Variants in KLF8 observed in about 807,000 individuals in gnomAD.
KLF8 encodes the protein KLF transcription factor 8.
Under a neutral mutation model 18.2 loss-of-function variants are expected in KLF8, and 10 were observed. The ratio of observed to expected loss-of-function variants is 0.55; its 90% CI spans 0.34 to 0.93. The LOEUF (loss-of-function observed/expected upper bound fraction) is 0.93. Among genes scored for constraint, KLF8 ranks in the 40% least tolerant of loss-of-function variants. The probability of loss-of-function intolerance (pLI) is 0.02; values close to 1 mark genes in which losing one functional copy is unlikely to be tolerated. For synonymous variants in KLF8, 109 were observed against 97.3 expected, an observed-to-expected ratio of 1.12 and a Z score of -0.71; for missense variants, 264 against 277.9, an observed-to-expected ratio of 0.95 and a Z score of 0.36.
the KLF8 span, among the ~76,000 whole-genome samples, chrX:56,226,387 A>T: frequency 8.9e-6 from 1 of 112,320 alleles, no homozygotes; most frequent in East Asian, 2.8e-4. Context: ...GTTTTACTTA[A>T]GTAAATTTCA....
At chrX:56,175,815 GC>G in the KLF8 span, among the ~76,000 whole-genome samples, 1 of 111,599 alleles carries the variant, frequency 9.0e-6, no homozygotes, top group South Asian at 3.8e-4. Flanking sequence ...AGGATAGTTA[GC>G]TTTTCTTATT....
At chrX:56,169,442 T>A in the KLF8 span, among the ~76,000 whole-genome samples, 1 of 111,006 alleles carries the variant, frequency 9.0e-6, no homozygotes, top group Non-Finnish European at 1.9e-5. Context: ...GCATGGCATT[T>A]CTGGACCTGC....
In KLF8 at chrX:56,254,268, G is replaced by A. The variant is rs771041688; in HGVS notation, c.81+3964G>A. Reference sequence around the variant, plus strand: ...CTGGCGCTTTGGCACTAGCAGGGGCGAATTCCACTCACTTAAACCTGCTGT... The same window carrying A: ...CTGGCGCTTTGGCACTAGCAGGGGCAAATTCCACTCACTTAAACCTGCTGT... On this transcript the variant is annotated intron_variant, in intron 2 of 5. Transcript: ENST00000468660. Among the ~76,000 whole-genome samples, 12 of 112,049 alleles carry A rather than the reference G, an allele frequency of 1.1e-4. No homozygotes were observed. In the South Asian group the frequency reaches 1.9e-3, roughly 17 times the overall value.
chrX:55,947,218 T>C, the KLF8 span, among the ~76,000 whole-genome samples: 10 of 110,568 alleles, frequency 9.0e-5, no homozygotes, highest in South Asian at 7.8e-4. Flanking sequence ...TTCACAATAG[T>C]AAAGACTTGG....
chrX:55,933,749 A>G, the KLF8 span, among the ~76,000 whole-genome samples: 1 of 112,156 alleles, frequency 8.9e-6, no homozygotes, highest in African/African-American at 3.2e-5. Context: ...AGTAAAGAAG[A>G]AACAGTTGTT....
the KLF8 span, among the ~76,000 whole-genome samples, chrX:56,209,502 G>T: frequency 1.8e-5 from 2 of 111,184 alleles, no homozygotes; most frequent in Non-Finnish European, 3.8e-5. Context: ...GGTGGTGAGT[G>T]CCTGTAATCC....
At chrX:56,014,828 T>G in the KLF8 span, 66 of 97,175 alleles carry the variant, frequency 6.8e-4, no homozygotes, top group Admixed American at 1.6e-3. Context: ...TTTTTTTTTT[T>G]TTTTTTTTTT....
At chrX:56,050,667 T>A in the KLF8 span, among the ~76,000 whole-genome samples, 1 of 112,346 alleles carries the variant, frequency 8.9e-6, no homozygotes, top group Non-Finnish European at 1.9e-5. Flanking sequence ...TTACATTTGC[T>A]GAGGAGAGAT....
chrX:55,961,967 G>A, the KLF8 span: 2 of 172,795 alleles, frequency 1.2e-5, no homozygotes, highest in South Asian at 1.1e-4. Flanking sequence ...AAGGATGCCT[G>A]GGCTGTGCAC....
chrX:56,171,106 G>T, the KLF8 span, among the ~76,000 whole-genome samples: 2 of 111,876 alleles, frequency 1.8e-5, no homozygotes, highest in South Asian at 3.7e-4. Context: ...TAGTAAGTCT[G>T]TAGAAAAACA....
chrX:55,912,662 G>A, the KLF8 span, among the ~76,000 whole-genome samples: 1 of 110,910 alleles, frequency 9.0e-6, no homozygotes, highest in East Asian at 2.8e-4. Context: ...ATCGTCTCCT[G>A]TACTTTCTAA....
chrX:56,006,800 G>T, the KLF8 span, among the ~76,000 whole-genome samples: 1 of 112,293 alleles, frequency 8.9e-6, no homozygotes, highest in African/African-American at 3.2e-5. Flanking sequence ...TGTCTCTTCA[G>T]TCTGTTGACT....
At chrX:56,033,053 C>T in the KLF8 span, among the ~76,000 whole-genome samples, 1 of 111,298 alleles carries the variant, frequency 9.0e-6, no homozygotes, top group Non-Finnish European at 1.9e-5. Context: ...TTATGAGGAA[C>T]ATATGATATA....
the KLF8 span, among the ~76,000 whole-genome samples, chrX:56,102,252 A>C: frequency 9.0e-6 from 1 of 111,079 alleles, no homozygotes; most frequent in Non-Finnish European, 1.9e-5. Context: ...TTGAAGATAG[A>C]TGGTTGTAGG....
the KLF8 span, among the ~76,000 whole-genome samples, chrX:56,213,469 C>A: frequency 9.4e-6 from 1 of 106,444 alleles, no homozygotes; most frequent in Admixed American, 1.0e-4. Flanking sequence ...TTACAGGCAC[C>A]CACCACCACG....
chrX:56,083,986 GA>G, the KLF8 span, among the ~76,000 whole-genome samples: 1 of 111,636 alleles, frequency 9.0e-6, no homozygotes, highest in Non-Finnish European at 1.9e-5. Context: ...GAAAACAACT[GA>G]ATTATTTTTT....
At chrX:56,161,531 C>A in the KLF8 span, among the ~76,000 whole-genome samples, 5 of 112,114 alleles carry the variant, frequency 4.5e-5, no homozygotes, top group African/African-American at 1.6e-4. Flanking sequence ...TCTTCCATCA[C>A]TGATACCCTT....
the KLF8 span, among the ~76,000 whole-genome samples, chrX:56,138,899 G>C: frequency 2.7e-5 from 3 of 110,805 alleles, no homozygotes; most frequent in African/African-American, 9.9e-5. Flanking sequence ...TAGATAATAT[G>C]ACTTTACACC....
chrX:56,029,002 C>T, the KLF8 span, among the ~76,000 whole-genome samples: 3 of 110,605 alleles, frequency 2.7e-5, no homozygotes, highest in South Asian at 7.9e-4. Flanking sequence ...AACTATAATT[C>T]CAAAAGCTTT....
Sources: gnomAD v4.1 joint callset for allele counts (sites outside exome capture counted in the v4.1 genomes callset) on GRCh38, gnomAD v4.1.1 for gene constraint, MANE v1.5 for transcripts, NCBI Gene and HGNC (gene_info 2026-07-23, HGNC 2026-07-21) for gene names.